ACBD6: variants seen among roughly 807,000 people sequenced by gnomAD.
ACBD6 encodes the protein acyl-CoA binding domain containing 6, also known as acyl-CoA-binding domain-containing protein 6.
A neutral mutation model predicts 37.2 loss-of-function variants in ACBD6; 28 were observed. The ratio of observed to expected loss-of-function variants is 0.75; its 90% confidence interval spans 0.56 to 1.03. The LOEUF (loss-of-function observed/expected upper bound fraction) is 1.03. Among genes scored for constraint, ACBD6 ranks in the 50% least tolerant of loss-of-function variants. The probability of loss-of-function intolerance (pLI) is 0.00; values close to 1 mark genes in which losing one functional copy is unlikely to be tolerated. For synonymous variants in ACBD6, 113 were observed against 126.8 expected (o/e 0.89, Z 0.73); for missense variants, 340 against 337.4 (o/e 1.01, Z -0.06).
intron 6 of ACBD6, among the ~76,000 whole-genome samples, chr1:180,334,422 C>T (rs1200047912): frequency 6.6e-6 from 1 of 152,186 alleles, no homozygotes; most frequent in Non-Finnish European, 1.5e-5. Flanking sequence ...AGTGGACCTC[C>T]AGTAAACTCC....
chr1:180,396,280 T>G (rs548683495), intron 6 of ACBD6, among the ~76,000 whole-genome samples: 2 of 152,300 alleles, frequency 1.3e-5, no homozygotes, highest in South Asian at 4.1e-4. Context: ...CACTTAAAAT[T>G]GTTAAAATGG....
intron 6 of ACBD6, among the ~76,000 whole-genome samples, chr1:180,375,811 G>C (rs1653410099): frequency 6.6e-6 from 1 of 151,916 alleles, no homozygotes; most frequent in Admixed American, 6.6e-5. Flanking sequence ...AAAATCCAGA[G>C]GCAATAAAAT....
At chr1:180,413,227 C>A in intron 5 of ACBD6, 139 bp downstream of exon 5, 1 of 701,138 alleles carries the variant, frequency 1.4e-6, no homozygotes, top group Non-Finnish European at 2.6e-6. Context: ...TAGGTAACAC[C>A]ATCTCATTTA....
chr1:180,282,086 A>C (rs1049886886), intron 8 of ACBD6, among the ~76,000 whole-genome samples: 1 of 152,206 alleles, frequency 6.6e-6, no homozygotes, highest in Non-Finnish European at 1.5e-5. Flanking sequence ...AAAACACAAA[A>C]ATTGAATAAA....
intron 3 of ACBD6, among the ~76,000 whole-genome samples, chr1:180,479,073 C>T (rs1470790976): frequency 6.6e-6 from 1 of 152,174 alleles, no homozygotes; most frequent in African/African-American, 2.4e-5. Flanking sequence ...TTTGAGGCTG[C>T]AATGAGCTAG....
At chr1:180,437,460 C>A (rs369906141) in intron 3 of ACBD6, among the ~76,000 whole-genome samples, 21 of 152,292 alleles carry the variant, frequency 1.4e-4, no homozygotes, top group African/African-American at 5.1e-4. Context: ...GAAATCCCCA[C>A]GTATTTGGTC....
chr1:180,323,327 T>C (rs569810520), intron 6 of ACBD6, among the ~76,000 whole-genome samples: 2 of 152,102 alleles, frequency 1.3e-5, no homozygotes, highest in Non-Finnish European at 2.9e-5. Flanking sequence ...TGGCCTAATA[T>C]ATGGTCTATC....
intron 6 of ACBD6, among the ~76,000 whole-genome samples, chr1:180,396,148 G>A (rs1253861818): frequency 1.3e-5 from 2 of 152,260 alleles, no homozygotes; most frequent in East Asian, 1.9e-4. Context: ...TGAGGGAATG[G>A]AGGAATGGGA....
At chr1:180,291,309 C>T (rs1379549179) in intron 7 of ACBD6, among the ~76,000 whole-genome samples, 1 of 152,178 alleles carries the variant, frequency 6.6e-6, no homozygotes, top group Admixed American at 6.5e-5. Flanking sequence ...AACTACCAAA[C>T]TTTTCTAAAG....
At chr1:180,283,780 C>T (rs533969790), downstream of ACBD6, among the ~76,000 whole-genome samples, 2 of 151,976 alleles carry the variant, frequency 1.3e-5, no homozygotes. Context: ...ATCTGAAAAC[C>T]AAAATCCTAA....
chr1:180,338,850 C>T (rs1651852457), intron 6 of ACBD6, among the ~76,000 whole-genome samples: 1 of 152,060 alleles, frequency 6.6e-6, no homozygotes, highest in Non-Finnish European at 1.5e-5. Context: ...AACAAACAAC[C>T]CCATCAAAAA....
intron 7 of ACBD6, among the ~76,000 whole-genome samples, chr1:180,305,879 G>A (rs1166847186): frequency 6.6e-6 from 1 of 152,136 alleles, no homozygotes; most frequent in Non-Finnish European, 1.5e-5. Flanking sequence ...ACAGGATTAA[G>A]AAAATGTGGC....
chr1:180,442,409 T>C (rs1649317910), intron 3 of ACBD6, among the ~76,000 whole-genome samples: 1 of 152,186 alleles, frequency 6.6e-6, no homozygotes, highest in Admixed American at 6.5e-5. Flanking sequence ...CACTGCTAAA[T>C]GTCCTACAAT....
chr1:180,449,680 G>A (rs1039714028), intron 3 of ACBD6, among the ~76,000 whole-genome samples: 3 of 151,670 alleles, frequency 2.0e-5, no homozygotes, highest in East Asian at 1.9e-4. Context: ...ACCAAACACC[G>A]CATGTTCTCA....
chr1:180,309,021 G>T (rs1650490755), intron 7 of ACBD6, among the ~76,000 whole-genome samples: 2 of 152,100 alleles, frequency 1.3e-5, no homozygotes, highest in South Asian at 4.1e-4. Flanking sequence ...GTCCAATACA[G>T]AAGTTATAAA....
chr1:180,502,420 G>T lies in ACBD6; in HGVS notation c.-154C>A. 1 of 796,134 alleles carries T rather than the reference G, an allele frequency of 1.3e-6. No homozygotes were observed. Among genetic ancestry groups the T allele is most frequent in the Non-Finnish European group, 2.1e-6 (1 of 471,506 alleles). 49.3% of individuals were successfully genotyped at this position (796,134 alleles called of 1,614,324 possible). On this transcript the variant is annotated 5_prime_UTR_variant, in exon 1 of 8. Coordinates refer to ENST00000367595, the MANE Select transcript of ACBD6 (RefSeq NM_032360.4). ...GCGGCGCGCTCCCTCACGTGACCCT[G>T]CTCCCTGCCCACTTCTACTCCCTGG...
intron 3 of ACBD6, among the ~76,000 whole-genome samples, chr1:180,443,925 T>C (rs1280892220): frequency 6.6e-6 from 1 of 151,868 alleles, no homozygotes; most frequent in Non-Finnish European, 1.5e-5. Flanking sequence ...GCCCGGCCAT[T>C]TCCCTTCTTT....
At chr1:180,305,378 T>G (rs1462265729) in intron 7 of ACBD6, among the ~76,000 whole-genome samples, 1 of 152,146 alleles carries the variant, frequency 6.6e-6, no homozygotes, top group Non-Finnish European at 1.5e-5. Context: ...ATCCAGAATC[T>G]ATAATGAACT....
At chr1:180,274,281 T>A (rs780636436) in intron 10 of ACBD6, 26 of 1,614,110 alleles carry the variant, frequency 1.6e-5, no homozygotes, top group Non-Finnish European at 2.2e-5. Context: ...AGCTTCTCCA[T>A]GGACGGGACA....
Sources: gnomAD v4.1 joint callset for allele counts (sites outside exome capture counted in the v4.1 genomes callset) on GRCh38, gnomAD v4.1.1 for gene constraint, MANE v1.5 for transcripts, NCBI Gene and HGNC (gene_info 2026-07-23, HGNC 2026-07-21) for gene names.